XIRP2: variants seen among roughly 807,000 people sequenced by gnomAD.
XIRP2 encodes the protein xin actin binding repeat containing 2, also known as xin actin-binding repeat-containing protein 2.
In XIRP2, 236 loss-of-function variants were observed where a neutral mutation model predicts 277.0. That is an observed-to-expected ratio of 0.85 (90% confidence interval 0.77 to 0.95). The LOEUF (loss-of-function observed/expected upper bound fraction) is 0.95, where lower values mean the gene tolerates loss of function less well. Among genes scored for constraint, XIRP2 ranks in the 40% least tolerant of loss-of-function variants. XIRP2 has a pLI of 0.00. For missense variants in XIRP2, 4,640 were observed against 4,157.5 expected, an observed-to-expected ratio of 1.12 and a Z score of -3.19; for synonymous variants, 1,490 against 1,416.5, an observed-to-expected ratio of 1.05 and a Z score of -1.17.
intron 2 of XIRP2, among the ~76,000 whole-genome samples, chr2:167,088,111 T>A (rs1291644898): frequency 6.6e-6 from 1 of 152,142 alleles, no homozygotes; most frequent in Non-Finnish European, 1.5e-5. Context: ...GAATAGGAAG[T>A]ATAGTTGAGC....
At position 167,245,090 on chromosome 2, in the gene XIRP2, A is replaced by G; in HGVS notation, c.3698A>G (p.Lys1233Arg). 1 of 1,610,170 alleles carries G rather than the reference A, an allele frequency of 6.2e-7. No homozygotes were observed. Among genetic ancestry groups the G allele is most frequent in the Non-Finnish European group, 8.5e-7 (1 of 1,178,920 alleles). ...ACCTTAAAAACTGAAGATATTCAGA[A>G]AGGCAATGTTTTAAATTGTAGGTGG... is the stretch of plus-strand genomic sequence containing the variant. ...IKTLKTEDIQ[K>R]GNVLNCRWLF... The change falls in exon 9 of 11, where the codon AAA (lysine) becomes AGA (arginine). Residue 1233 changes from lysine (K) to arginine (R), a missense_variant. Lys to Arg is a conservative substitution (Grantham distance 26). Transcript: ENST00000409195.
chr2:167,080,626 A>G (rs888813477), intron 2 of XIRP2, among the ~76,000 whole-genome samples: 1 of 152,212 alleles, frequency 6.6e-6, no homozygotes, highest in Non-Finnish European at 1.5e-5. Context: ...GTCTCATTTG[A>G]AAGGTTGAAA....
At chr2:167,171,615 G>A (rs1032954775) in intron 3 of XIRP2, among the ~76,000 whole-genome samples, 4 of 152,144 alleles carry the variant, frequency 2.6e-5, no homozygotes, top group Non-Finnish European at 4.4e-5. Flanking sequence ...CATATTCACC[G>A]ATATTAGTCT....
intron 5 of XIRP2, among the ~76,000 whole-genome samples, chr2:167,228,394 A>G (rs1005347818): frequency 2.0e-5 from 3 of 152,180 alleles, no homozygotes; most frequent in Admixed American, 1.3e-4. Context: ...CTATGGGAAC[A>G]TGGTAGGCCA....
rs769201873 is a variant in XIRP2, at chr2:167,247,875, C to T, written c.6483C>T (p.Pro2161=). The change falls in exon 9 of 11, where the codon CCC becomes CCT. Residue 2161 remains proline (P), a synonymous_variant. Coordinates refer to ENST00000409195, the MANE Select transcript of XIRP2 (RefSeq NM_152381.6). The part of the protein sequence containing the change: ...KILTDTQSSK[P]SPTQHPVSMP... ...TAACTGATACACAAAGCTCCAAGCC[C>T]AGTCCCACCCAGCATCCAGTCAGCA... is the stretch of plus-strand genomic sequence containing the variant. 55 of 1,613,470 alleles carry T rather than the reference C, an allele frequency of 3.4e-5. No individual in the cohort carries two copies. The highest frequency in any genetic ancestry group is 1.8e-4 in the Admixed American group (11 of 59,928).
chr2:167,142,506 C>G (rs1260939331), intron 3 of XIRP2, among the ~76,000 whole-genome samples: 1 of 151,862 alleles, frequency 6.6e-6, no homozygotes, highest in East Asian at 1.9e-4. Context: ...TGAGATCATG[C>G]CACTGCACTC....
At chr2:167,095,320 G>A (rs1690270255) in intron 2 of XIRP2, among the ~76,000 whole-genome samples, 1 of 152,050 alleles carries the variant, frequency 6.6e-6, no homozygotes, top group Admixed American at 6.5e-5. Context: ...TCTCTTACCT[G>A]ATTGCCCTGG....
At chr2:167,127,220 A>G (rs1691232670) in intron 2 of XIRP2, among the ~76,000 whole-genome samples, 1 of 152,162 alleles carries the variant, frequency 6.6e-6, no homozygotes, top group Non-Finnish European at 1.5e-5. Flanking sequence ...TGTCAGCCAC[A>G]AATAGTTGTG....
At chr2:166,985,797 C>T (rs1437946328) in intron 2 of XIRP2, among the ~76,000 whole-genome samples, 3 of 151,958 alleles carry the variant, frequency 2.0e-5, no homozygotes, top group Non-Finnish European at 4.4e-5. Context: ...AATTTCTGAT[C>T]ACCCAGCTCT....
chr2:167,069,103 C>T (rs1689375753), intron 2 of XIRP2, among the ~76,000 whole-genome samples: 1 of 152,118 alleles, frequency 6.6e-6, no homozygotes, highest in African/African-American at 2.4e-5. Flanking sequence ...TTGCATATAA[C>T]CTATGTACAT....
At chr2:167,101,991 G>C (rs1200753452) in intron 2 of XIRP2, among the ~76,000 whole-genome samples, 1 of 152,170 alleles carries the variant, frequency 6.6e-6, no homozygotes, top group African/African-American at 2.4e-5. Context: ...AGTGATAGAG[G>C]AGGTGGTGTC....
chr2:166,959,838 C>T (rs1428080530), intron 2 of XIRP2, among the ~76,000 whole-genome samples: 4 of 151,652 alleles, frequency 2.6e-5, no homozygotes, highest in African/African-American at 9.7e-5. Context: ...CTTTGTGATT[C>T]CAAACCAGGT....
intron 3 of XIRP2, among the ~76,000 whole-genome samples, chr2:167,142,688 C>A (rs1174367969): frequency 1.3e-5 from 2 of 152,190 alleles, no homozygotes; most frequent in Non-Finnish European, 2.9e-5. Flanking sequence ...GAGTTCATGA[C>A]TCCATGTATC....
Position 167,259,645 on chromosome 2 carries a change from A to G in XIRP2, c.*1828A>G. 3.3e-6 allele frequency: 1 copy of G among 298,952 alleles called. No individual in the cohort carries two copies. The highest frequency in any genetic ancestry group is 6.5e-6 in the Non-Finnish European group (1 of 153,638). The allele number at this position is 298,952 out of a possible 1,614,324, so 18.5% of individuals were successfully genotyped here. A position where few individuals can be genotyped will look rare whatever the true frequency, so the allele number is the denominator to read the frequency against. ...TTAGCATATTGTTCTGTTTTCCTGTAAAACATCATGGGTGTGATTTTTATA... is the reference window on the plus strand; with the variant it reads ...TTAGCATATTGTTCTGTTTTCCTGTGAAACATCATGGGTGTGATTTTTATA... On this transcript the variant is annotated 3_prime_UTR_variant, in exon 11 of 11. Transcript: ENST00000409195.
chr2:166,947,080 T>C (rs1422718833), intron 2 of XIRP2, among the ~76,000 whole-genome samples: 2 of 152,282 alleles, frequency 1.3e-5, no homozygotes, highest in African/African-American at 4.8e-5. Context: ...TTTCTGAAAA[T>C]AGAATCTATC....
At chr2:167,196,851 T>C (rs772704954) in intron 3 of XIRP2, among the ~76,000 whole-genome samples, 9 of 151,994 alleles carry the variant, frequency 5.9e-5, no homozygotes, top group Non-Finnish European at 1.0e-4. Flanking sequence ...CGTAGGTATG[T>C]GTGTGGAGTG....
rs143092849 is a variant in XIRP2 at position 167,149,604 on chromosome 2, A to G, written c.562+13542A>G. On this transcript the variant is annotated intron_variant, in intron 3 of 10. Coordinates refer to ENST00000409195, the MANE Select transcript of XIRP2 (RefSeq NM_152381.6). ...GAAAAATTCGATCTTGTCTTTCATTATATACACAATTTATTCCAAATGGTT... is the reference window on the plus strand; with the variant it reads ...GAAAAATTCGATCTTGTCTTTCATTGTATACACAATTTATTCCAAATGGTT... Among the ~76,000 whole-genome samples the G allele has an allele frequency of 1.9e-3, 296 of 152,270 alleles. 3 individuals carry two copies. The highest frequency in any genetic ancestry group is 6.7e-3 in the African/African-American group (279 of 41,578).
intron 2 of XIRP2, among the ~76,000 whole-genome samples, chr2:167,125,141 A>G (rs1023777052): frequency 6.6e-6 from 1 of 152,186 alleles, no homozygotes; most frequent in Non-Finnish European, 1.5e-5. Flanking sequence ...TGTGACGATC[A>G]TTATAATTTC....
chr2:167,246,619 G>A lies in XIRP2; in HGVS notation c.5227G>A (p.Val1743Ile), dbSNP rs181539061. 2.9e-4 allele frequency: 471 copies of A among 1,613,714 alleles called. 10 individuals carry two copies. The East Asian group carries it at 6.6e-3, about 23-fold the overall frequency. The change falls in exon 9 of 11, where the codon GTT becomes ATT. Residue 1743 changes from valine (V) to isoleucine (I), a missense_variant. Physicochemically the swap from Val to Ile is conservative, Grantham distance 29. Coordinates refer to ENST00000409195, the MANE Select transcript of XIRP2 (RefSeq NM_152381.6). ...AKIDASERGN[V>I]QFFTTCIEAG... ...AATTGATGCCTCTGAGAGAGGAAAT[G>A]TTCAGTTTTTCACAACCTGCATAGA...
Sources: allele counts gnomAD v4.1 joint callset (sites outside exome capture counted in the v4.1 genomes callset), GRCh38; gene constraint gnomAD v4.1.1; transcripts MANE v1.5; gene names NCBI Gene and HGNC (gene_info 2026-07-23, HGNC 2026-07-21).